The following MYO1A variants were observed in gnomAD, a reference collection of about 807,000 sequenced individuals.
MYO1A encodes the protein unconventional myosin-Ia.
A neutral mutation model predicts 138.5 loss-of-function variants in MYO1A; 127 were observed. The observed-to-expected ratio is 0.92, with a 90% CI of 0.79 to 1.06. The LOEUF (loss-of-function observed/expected upper bound fraction) is 1.06. Ranked by LOEUF, MYO1A falls within the 50% of genes least tolerant of loss-of-function variation. The pLI is 0.00. For synonymous variants in MYO1A, 477 were observed against 497.5 expected, an observed-to-expected ratio of 0.96 and a Z score of 0.55; for missense variants, 1,211 against 1,288.8, an observed-to-expected ratio of 0.94 and a Z score of 0.92.
Position 57,037,783 on chromosome 12 carries a change from T to A in MYO1A, c.1961+86A>T. 3.3e-6 allele frequency: 5 copies of A among 1,509,572 alleles called. 1 individual carries two copies. The highest frequency in any genetic ancestry group is 4.6e-6 in the Non-Finnish European group (5 of 1,086,486). 93.5% of individuals were successfully genotyped at this position (1,509,572 alleles called of 1,614,324 possible). The stretch of plus-strand genomic sequence containing the variant: ...TATCCATTCACCCAGCTTCAGCAGA[T>A]GTGCACTGCACCTCCAGGTCTCTTC... On this transcript the variant is annotated intron_variant, in intron 18 of 27. Coordinates refer to ENST00000300119, the MANE Select transcript of MYO1A (RefSeq NM_005379.4).
chr12:57,042,545 T>C (rs2030903965), intron 12 of MYO1A, among the ~76,000 whole-genome samples: 1 of 152,234 alleles, frequency 6.6e-6, no homozygotes, highest in Non-Finnish European at 1.5e-5. Flanking sequence ...ATTTACATAA[T>C]TTATCTGATC....
intron 12 of MYO1A, 90 bp from the exon 13 acceptor site, chr12:57,041,587 G>T: frequency 9.2e-7 from 1 of 1,091,608 alleles, no homozygotes; most frequent in Non-Finnish European, 1.4e-6. Context: ...GGAGTAGGGG[G>T]CAAACAGAAC....
At chr12:57,033,439 G>C (rs1361262021) in intron 22 of MYO1A, among the ~76,000 whole-genome samples, 1 of 152,052 alleles carries the variant, frequency 6.6e-6, no homozygotes, top group African/African-American at 2.4e-5. Flanking sequence ...CTGCAGCCTT[G>C]CCCGCCTCCT....
chr12:57,030,010 G>A (rs2030196949), intron 24 of MYO1A, 138 bp from the exon 25 acceptor site: 1 of 1,449,178 alleles, frequency 6.9e-7, no homozygotes, highest in Admixed American at 1.8e-5. Context: ...GCACAGTCCA[G>A]GACCAAGACA....
intron 10 of MYO1A, 54 bp from the exon 11 acceptor site, chr12:57,043,412 AG>A: frequency 6.5e-7 from 1 of 1,534,406 alleles, no homozygotes. Flanking sequence ...CTCTCAGGGG[AG>A]GGAGTGCAAT....
intron 5 of MYO1A, 22 bp downstream of exon 5, chr12:57,047,281 G>C: frequency 6.2e-7 from 1 of 1,602,594 alleles, no homozygotes. Context: ...AGGGTGGAGA[G>C]GGCAGAGAGC....
rs2031188098 is a variant in MYO1A, at chr12:57,047,990, T to C, written c.229A>G (p.Ile77Val). The change falls in exon 3 of 28, where the codon ATC (isoleucine) becomes GTC (valine). Residue 77 changes from isoleucine (I) to valine (V), a missense_variant and splice_region_variant. Coordinates refer to ENST00000300119, the MANE Select transcript of MYO1A (RefSeq NM_005379.4). ...DYTFYELKPH[I>V]YALANVAYQS... ...CCTTCCCTTGGTCCCCCTACTCACA[T>C]ATGGGGCTTCAGCTCATAGAAAGTA... 3.7e-6 allele frequency: 6 copies of C among 1,612,644 alleles called. No homozygotes were observed. The highest frequency in any genetic ancestry group is 5.1e-6 in the Non-Finnish European group (6 of 1,178,656).
At chr12:57,032,753 C>A (rs1311644433) in intron 22 of MYO1A, among the ~76,000 whole-genome samples, 2 of 152,158 alleles carry the variant, frequency 1.3e-5, no homozygotes, top group East Asian at 3.9e-4. Context: ...TAGGTCGGGG[C>A]AGATCATGAT....
At chr12:57,047,273 G>A (rs764287902) in intron 5 of MYO1A, 30 bp downstream of exon 5, 2 of 1,598,918 alleles carry the variant, frequency 1.3e-6, no homozygotes, top group East Asian at 4.5e-5. Flanking sequence ...TTAGATGGAG[G>A]GTGGAGAGGG....
At chr12:57,036,086 A>C (rs1448175466) in intron 22 of MYO1A, among the ~76,000 whole-genome samples, 1 of 152,202 alleles carries the variant, frequency 6.6e-6, no homozygotes, top group African/African-American at 2.4e-5. Context: ...GGTTGCCTGG[A>C]TTGTCCACTC....
rs763624454 is a variant in MYO1A, at chr12:57,031,192, G to A, written c.2350-18C>T. 1.1e-5 allele frequency: 17 copies of A among 1,614,084 alleles called. No individual in the cohort carries two copies. The highest frequency in any genetic ancestry group is 1.7e-4 in the Middle Eastern group (1 of 6,060). On this transcript the variant is annotated intron_variant, in intron 22 of 27. Coordinates refer to ENST00000300119, the MANE Select transcript of MYO1A (RefSeq NM_005379.4). ...TTCTGTACCTAGTTTGGGACCAGGG[G>A]GATTGGGAGTGGAGTGATAAGAAAC...
chr12:57,036,167 C>G, intron 22 of MYO1A, 140 bp downstream of exon 22: 1 of 855,120 alleles, frequency 1.2e-6, no homozygotes, highest in African/African-American at 1.7e-5. Context: ...GGTAGCTGCC[C>G]TCTTCTCCTA....
At chr12:57,034,873 G>A (rs1174229193) in intron 22 of MYO1A, among the ~76,000 whole-genome samples, 1 of 152,156 alleles carries the variant, frequency 6.6e-6, no homozygotes, top group Non-Finnish European at 1.5e-5. Flanking sequence ...GGCTGAGGCA[G>A]GATAATCACT....
intron 8 of MYO1A, among the ~76,000 whole-genome samples, chr12:57,045,244 G>T (rs950230979): frequency 6.6e-6 from 1 of 152,092 alleles, no homozygotes; most frequent in East Asian, 1.9e-4. Flanking sequence ...AATGATCAAA[G>T]CTGTTTCCCT....
At chr12:57,047,163 C>T (rs1331265433) in intron 5 of MYO1A, 56 bp from the exon 6 acceptor site, 1 of 1,602,112 alleles carries the variant, frequency 6.2e-7, no homozygotes, top group Admixed American at 1.7e-5. Flanking sequence ...GGAGGAAGGG[C>T]TTCCAGTCCT....
Position 57,043,160 on chromosome 12 carries a change from T to G in MYO1A, c.1012-2A>C. 6.2e-7 allele frequency: 1 copy of G among 1,614,170 alleles called. No individual in the cohort carries two copies. Among genetic ancestry groups the G allele is most frequent in the Non-Finnish European group, 8.5e-7 (1 of 1,180,026 alleles). The stretch of plus-strand genomic sequence containing the variant: ...CAGGGCGTCCCGAGCATACTGAGCC[T>G]GTGGGTGAGGCACAGCTGATTAGGG... On this transcript the variant is annotated splice_acceptor_variant, in intron 11 of 27. Transcript: ENST00000300119. LOFTEE classifies it high-confidence loss of function.
At chr12:57,030,129 G>A in intron 24 of MYO1A, 81 bp downstream of exon 24, 1 of 1,346,826 alleles carries the variant, frequency 7.4e-7, no homozygotes, top group Non-Finnish European at 1.1e-6. Context: ...TGACAATCCT[G>A]CCAGGTGATT....
chr12:57,028,918 C>G, intron 27 of MYO1A, 37 bp from the exon 28 acceptor site: 1 of 1,610,128 alleles, frequency 6.2e-7, no homozygotes, highest in East Asian at 2.2e-5. Flanking sequence ...TAGTGCCCAT[C>G]CCCTCACCCC....
At chr12:57,039,495 T>C in intron 14 of MYO1A, 1 of 568,156 alleles carries the variant, frequency 1.8e-6, no homozygotes, top group South Asian at 1.9e-5. Flanking sequence ...GGAGCAGCTG[T>C]GAGAGAGGGT....
Sources: allele counts gnomAD v4.1 joint callset (sites outside exome capture counted in the v4.1 genomes callset), GRCh38; gene constraint gnomAD v4.1.1; transcripts MANE v1.5; gene names NCBI Gene and HGNC (gene_info 2026-07-23, HGNC 2026-07-21).